The following TBX1 variants were observed in gnomAD, a reference collection of about 807,000 sequenced individuals.
TBX1 encodes the protein T-box transcription factor TBX1.
TBX1 carries 16 observed loss-of-function variants against 40.8 expected under a neutral mutation model. That is an observed-to-expected ratio of 0.39 (90% CI 0.27 to 0.60). TBX1 has a LOEUF of 0.60. TBX1 is among the 20% of genes least tolerant of loss of function. TBX1 has a pLI of 0.51. For synonymous variants in TBX1, 403 were observed against 336.8 expected (o/e 1.20, Z -2.15); for missense variants, 755 against 728.5 (o/e 1.04, Z -0.42).
At position 19,765,894 on chromosome 22, in the gene TBX1, G is replaced by A. The variant is rs753380966; in HGVS notation, c.936-8G>A. 1 of 1,544,212 alleles carries A rather than the reference G, an allele frequency of 6.5e-7. No homozygotes were observed. On this transcript the variant is annotated splice_polypyrimidine_tract_variant and splice_region_variant and intron_variant, in intron 5 of 6. Transcript: ENST00000649276. ...CAGGCGCCGCCCTGATCCGCCTCCC[G>A]CCCGCAGGCCCCGGAACCACCGGCC...
At chr22:19,777,812 T>C (rs573627197) in intron 8 of TBX1, among the ~76,000 whole-genome samples, 91 of 149,006 alleles carry the variant, frequency 6.1e-4, no homozygotes, top group African/African-American at 2.2e-3. Flanking sequence ...CAGCCTGGAG[T>C]GCAGTGGTAT....
intron 8 of TBX1, among the ~76,000 whole-genome samples, chr22:19,777,012 G>A (rs1937075548): frequency 6.6e-6 from 1 of 152,168 alleles, no homozygotes; most frequent in Non-Finnish European, 1.5e-5. Context: ...ATACGCTACA[G>A]AGGGCGCATG....
chr22:19,779,502 G>A lies in TBX1; in HGVS notation c.*95G>A, dbSNP rs539417850. The stretch of plus-strand genomic sequence containing the variant: ...TCCAAAATTAAAAAAACAGTGACTT[G>A]TTCAGTAAATTCCAATATGAATAAA... On this transcript the variant is annotated 3_prime_UTR_variant, in exon 9 of 9. Coordinates refer to the TBX1 transcript ENST00000329705. 5 of 1,578,270 alleles carry A rather than the reference G, an allele frequency of 3.2e-6. No homozygotes were observed. The South Asian group carries it at 5.8e-5, about 18-fold the overall frequency.
At chr22:19,766,149 A>G in intron 6 of TBX1, 147 bp downstream of exon 6, 1 of 768,330 alleles carries the variant, frequency 1.3e-6, no homozygotes, top group Non-Finnish European at 1.6e-6. Flanking sequence ...GCAAGCGCGC[A>G]CTCGCCCGCC....
Position 19,765,836 on chromosome 22 carries a change from TC to T in TBX1, c.935+16del. The T allele has an allele frequency of 6.3e-7, 1 of 1,597,412 alleles. No homozygotes were observed. The highest frequency in any genetic ancestry group is 1.7e-4 in the Middle Eastern group (1 of 6,020). Reference sequence around the variant, plus strand: ...TGACCCTGAGGACTGGTGAGTGTCCTCCCCCGAGAGAGTGAGCGCCGGGCGC... The same window carrying T: ...TGACCCTGAGGACTGGTGAGTGTCCTCCCCGAGAGAGTGAGCGCCGGGCGC... On this transcript the variant is annotated intron_variant, in intron 5 of 6. Transcript: ENST00000649276.
chr22:19,781,822 C>T (rs1937145365), downstream of TBX1, among the ~76,000 whole-genome samples: 1 of 152,308 alleles, frequency 6.6e-6, no homozygotes, highest in Admixed American at 6.5e-5. Flanking sequence ...ATGGTCACCA[C>T]ATTAAAAATC....
rs1431522053 is a variant in TBX1, at chr22:19,763,453, C to T, written c.539+111C>T. ...CGTCTGCACCATGAAACTCTTTAGG[C>T]ACCTGCGATGCTGCCCGATCAACCC... is the stretch of plus-strand genomic sequence containing the variant. On this transcript the variant is annotated intron_variant, in intron 2 of 6. Coordinates refer to ENST00000649276, the MANE Select transcript of TBX1 (RefSeq NM_001379200.1). 9 of 946,246 alleles carry T rather than the reference C, an allele frequency of 9.5e-6. No homozygotes were observed. The African/African-American group carries it at 9.7e-5, about 10-fold the overall frequency. The allele number at this position is 946,246 out of a possible 1,614,324, so 58.6% of individuals were successfully genotyped here.
upstream of TBX1, chr22:19,759,675 A>G: frequency 6.2e-7 from 1 of 1,612,492 alleles, no homozygotes; most frequent in Non-Finnish European, 8.5e-7. Context: ...AGGGACATGG[A>G]AGGTGAGCCT....
downstream of TBX1, among the ~76,000 whole-genome samples, chr22:19,768,547 G>A (rs1291182877): frequency 6.6e-6 from 1 of 152,170 alleles, no homozygotes; most frequent in Non-Finnish European, 1.5e-5. Context: ...TTGGGGGGAC[G>A]GCTGTGGATG....
chr22:19,766,051 C>A (rs1028497136), intron 6 of TBX1, 49 bp downstream of exon 6: 131 of 1,397,530 alleles, frequency 9.4e-5, no homozygotes, highest in Non-Finnish European at 1.0e-4. Flanking sequence ...GCGCGCTCTA[C>A]CCCGGGCCGG....
At chr22:19,775,696 G>A (rs918685184) in intron 8 of TBX1, among the ~76,000 whole-genome samples, 5 of 152,192 alleles carry the variant, frequency 3.3e-5, no homozygotes, top group African/African-American at 7.2e-5. Context: ...CCACATGGCC[G>A]CACCCTGTCT....
upstream of TBX1, among the ~76,000 whole-genome samples, chr22:19,758,559 C>T (rs745662543): frequency 1.3e-5 from 2 of 152,208 alleles, no homozygotes; most frequent in Non-Finnish European, 1.5e-5. Context: ...GAGCTTCTCC[C>T]GGCAGGCAGG....
At chr22:19,768,334 TTTTTCGTATACATG>T (rs1347771358), downstream of TBX1, among the ~76,000 whole-genome samples, 1 of 152,244 alleles carries the variant, frequency 6.6e-6, no homozygotes, top group East Asian at 1.9e-4. Flanking sequence ...CGCGGACCTG[TTTTTCGTATACATG>T]TTTGCTCTGG....
chr22:19,780,260 C>T (rs1344907050), downstream of TBX1, among the ~76,000 whole-genome samples: 1 of 152,190 alleles, frequency 6.6e-6, no homozygotes, highest in Admixed American at 6.5e-5. Context: ...AACTCTGTCC[C>T]CATTAAACAA....
Position 19,766,651 on chromosome 22 carries a change from C to T in TBX1, c.1299C>T (p.Asp433=). ...ACAAATATCCGGCCGCCGCCTACGA[C>T]CACTATCTCGGGGCCAAGAGCCGGC... ...HPYKYPAAAY[D]HYLGAKSRPA... Residue 433 remains aspartate, a synonymous_variant, in exon 7 of 7, where the codon GAC becomes GAT. Coordinates refer to ENST00000649276, the MANE Select transcript of TBX1 (RefSeq NM_001379200.1). 1 of 1,555,022 alleles carries T rather than the reference C, an allele frequency of 6.4e-7. No homozygotes were observed. Among genetic ancestry groups the T allele is most frequent in the Non-Finnish European group, 8.6e-7 (1 of 1,158,870 alleles).
chr22:19,768,544 G>T (rs1392271494), downstream of TBX1, among the ~76,000 whole-genome samples: 3 of 152,188 alleles, frequency 2.0e-5, no homozygotes, highest in South Asian at 6.2e-4. Context: ...CATTTGGGGG[G>T]ACGGCTGTGG....
At chr22:19,767,585 A>G (rs1601296447), downstream of TBX1, among the ~76,000 whole-genome samples, 1 of 146,342 alleles carries the variant, frequency 6.8e-6, no homozygotes, top group Admixed American at 6.7e-5. Flanking sequence ...CCACCTTCCC[A>G]CCGTCCCGTC....
intron 8 of TBX1, among the ~76,000 whole-genome samples, chr22:19,774,152 G>A (rs1937031043): frequency 6.6e-6 from 1 of 152,240 alleles, no homozygotes; most frequent in Non-Finnish European, 1.5e-5. Context: ...ACTGCTGGTG[G>A]GACTGTAAGA....
chr22:19,759,827 C>T (rs149503481), upstream of TBX1: 3 of 995,802 alleles, frequency 3.0e-6, no homozygotes, highest in East Asian at 2.6e-5. Context: ...GAGGAAGAGC[C>T]GGCATCCCGC....
Sources: allele counts gnomAD v4.1 joint callset (sites outside exome capture counted in the v4.1 genomes callset), GRCh38; gene constraint gnomAD v4.1.1; transcripts MANE v1.5; gene names NCBI Gene and HGNC (gene_info 2026-07-23, HGNC 2026-07-21).